CNTN4: variants seen among roughly 807,000 people sequenced by gnomAD.
CNTN4 encodes contactin-4.
In CNTN4, 77 loss-of-function variants were observed where a neutral mutation model predicts 122.5. That is an observed-to-expected ratio of 0.63 (90% confidence interval 0.52 to 0.76). The LOEUF (loss-of-function observed/expected upper bound fraction) is 0.76, where lower values mean the gene tolerates loss of function less well. Ranked by LOEUF, CNTN4 falls within the 30% of genes least tolerant of loss-of-function variation. CNTN4 has a pLI of 0.00. For synonymous variants in CNTN4, 512 were observed against 447.0 expected, an observed-to-expected ratio of 1.15 and a Z score of -1.83; for missense variants, 1,256 against 1,259.1, an observed-to-expected ratio of 1.00 and a Z score of 0.04.
intron 8 of CNTN4, among the ~76,000 whole-genome samples, chr3:2,877,234 G>A (rs1001597914): frequency 6.6e-6 from 1 of 152,166 alleles, no homozygotes; most frequent in East Asian, 1.9e-4. Context: ...ACCACAGTGT[G>A]CCCCCATTTG....
intron 7 of CNTN4, among the ~76,000 whole-genome samples, chr3:2,849,223 C>T (rs1194407211): frequency 6.6e-6 from 1 of 152,136 alleles, no homozygotes; most frequent in Non-Finnish European, 1.5e-5. Context: ...AAGAAGAATG[C>T]CTGAACCTAA....
intron 7 of CNTN4, among the ~76,000 whole-genome samples, chr3:2,828,306 C>G (rs1421811813): frequency 6.6e-6 from 1 of 151,942 alleles, no homozygotes; most frequent in African/African-American, 2.4e-5. Context: ...AAGCGACTTC[C>G]CTGAGAGATG....
intron 3 of CNTN4, among the ~76,000 whole-genome samples, chr3:2,496,631 A>G (rs951776916): frequency 2.0e-5 from 3 of 152,090 alleles, no homozygotes; most frequent in Non-Finnish European, 4.4e-5. Context: ...ACCATTTTTG[A>G]AGGTAAGGGT....
At chr3:2,391,950 A>G (rs923513796) in intron 3 of CNTN4, among the ~76,000 whole-genome samples, 14 of 152,314 alleles carry the variant, frequency 9.2e-5, no homozygotes, top group African/African-American at 3.1e-4. Flanking sequence ...ACAGCAGCAT[A>G]AAGCACTGAG....
intron 13 of CNTN4, among the ~76,000 whole-genome samples, chr3:2,970,859 C>G (rs1239639509): frequency 2.6e-5 from 4 of 152,192 alleles, no homozygotes; most frequent in Non-Finnish European, 4.4e-5. Flanking sequence ...GTGATCCCAG[C>G]TCACTGCAAC....
rs1167052985 is a variant in CNTN4, at chr3:2,571,397, T to C, written c.-88-19T>C. ...GAAATATTCCCAAATCTCATTGTAATGTCTCTTCTTTCCCACAGATTAAAG... is the reference window on the plus strand; with the variant it reads ...GAAATATTCCCAAATCTCATTGTAACGTCTCTTCTTTCCCACAGATTAAAG... On this transcript the variant is annotated intron_variant, in intron 3 of 24. Coordinates refer to ENST00000418658, the MANE Select transcript of CNTN4 (RefSeq NM_175607.3). 3.8e-6 allele frequency: 3 copies of C among 798,974 alleles called. No individual in the cohort carries two copies. The highest frequency in any genetic ancestry group is 2.8e-5 in the South Asian group (2 of 71,234). 49.5% of individuals were successfully genotyped at this position (798,974 alleles called of 1,614,324 possible).
In CNTN4 at chr3:2,168,950, A is replaced by G. The variant is rs1362351407; in HGVS notation, c.-145+68311A>G. ...ATTTACCCTCAGTTCTGCAAAATAC[A>G]CAGATTCAGATGGCTTCCTAGTTAA... On this transcript the variant is annotated intron_variant, in intron 2 of 24. Transcript: ENST00000418658. Among the ~76,000 whole-genome samples the G allele has an allele frequency of 2.0e-5, 3 of 152,236 alleles. No individual in the cohort carries two copies. The East Asian group carries it at 5.8e-4, about 29-fold the overall frequency.
At chr3:2,487,889 T>C (rs2076207909) in intron 3 of CNTN4, among the ~76,000 whole-genome samples, 1 of 152,224 alleles carries the variant, frequency 6.6e-6, no homozygotes, top group African/African-American at 2.4e-5. Flanking sequence ...CAATAAGTTA[T>C]ATTTGTTCAT....
At chr3:2,780,876 A>G in intron 6 of CNTN4, among the ~76,000 whole-genome samples, 1 of 152,242 alleles carries the variant, frequency 6.6e-6, no homozygotes, top group Non-Finnish European at 1.5e-5. Flanking sequence ...CGTTTTAGAT[A>G]TTGTGAATTC....
chr3:2,462,577 C>T (rs2049267767), intron 3 of CNTN4, among the ~76,000 whole-genome samples: 1 of 152,112 alleles, frequency 6.6e-6, no homozygotes. Context: ...ACCTATTTTG[C>T]AGATTTTGTA....
At chr3:2,451,491 G>C (rs9853315) in intron 3 of CNTN4, among the ~76,000 whole-genome samples, 2 of 148,902 alleles carry the variant, frequency 1.3e-5, no homozygotes, top group Non-Finnish European at 3.0e-5. Context: ...GTTGAAATCA[G>C]TTTTTTTTGT....
At chr3:2,821,048 G>A (rs1025515991) in intron 7 of CNTN4, among the ~76,000 whole-genome samples, 10 of 135,976 alleles carry the variant, frequency 7.4e-5, no homozygotes, top group African/African-American at 2.0e-4. Context: ...TGCAACCTCT[G>A]CCTCCCAGGT....
chr3:2,592,606 C>T (rs902963060), intron 4 of CNTN4, among the ~76,000 whole-genome samples: 1 of 152,178 alleles, frequency 6.6e-6, no homozygotes, highest in African/African-American at 2.4e-5. Flanking sequence ...TTTTTGCCTG[C>T]CAACATCCAT....
chr3:3,039,906 CTG>C, intron 19 of CNTN4, 129 bp from the exon 20 acceptor site: 2 of 723,922 alleles, frequency 2.8e-6, no homozygotes, highest in East Asian at 5.4e-5. Flanking sequence ...ATTTAAAAGA[CTG>C]TTAACAAAAC....
intron 2 of CNTN4, among the ~76,000 whole-genome samples, chr3:2,132,870 G>T (rs1192699050): frequency 6.6e-6 from 1 of 152,160 alleles, no homozygotes; most frequent in African/African-American, 2.4e-5. Flanking sequence ...GGGGAAATAA[G>T]ATGTAGATTT....
chr3:2,602,197 C>G (rs956038145), intron 4 of CNTN4, among the ~76,000 whole-genome samples: 7 of 152,170 alleles, frequency 4.6e-5, no homozygotes, highest in Non-Finnish European at 5.9e-5. Context: ...CAGGGATGCC[C>G]TCTCTCACCA....
chr3:2,527,576 C>T lies in CNTN4; in HGVS notation c.-88-43840C>T, dbSNP rs1404713180. The stretch of plus-strand genomic sequence containing the variant: ...ATATCGCCTGTTCTATCTTTGCATG[C>T]GGTGTAAAAGGTCAAAGCCTTGCTT... On this transcript the variant is annotated intron_variant, in intron 3 of 24. Transcript: ENST00000418658. Among the ~76,000 whole-genome samples, 8 of 152,212 alleles carry T rather than the reference C, an allele frequency of 5.3e-5. No homozygotes were observed. The South Asian group carries it at 6.2e-4, about 12-fold the overall frequency.
chr3:2,899,237 G>C (rs2094146990), intron 10 of CNTN4, among the ~76,000 whole-genome samples: 2 of 152,206 alleles, frequency 1.3e-5, no homozygotes, highest in Admixed American at 6.5e-5. Context: ...TTGAAAAGGT[G>C]AAATACAGTT....
chr3:2,381,454 C>T (rs553274383), intron 3 of CNTN4, among the ~76,000 whole-genome samples: 42 of 152,320 alleles, frequency 2.8e-4, no homozygotes, highest in African/African-American at 9.6e-4. Flanking sequence ...AGGTCTCTTA[C>T]TTAGCTATCA....
Sources: allele counts gnomAD v4.1 joint callset (sites outside exome capture counted in the v4.1 genomes callset), GRCh38; gene constraint gnomAD v4.1.1; transcripts MANE v1.5; gene names NCBI Gene and HGNC (gene_info 2026-07-23, HGNC 2026-07-21).